The following NDUFC1 variants were observed in gnomAD, a reference collection of about 807,000 sequenced individuals.
The protein encoded by NDUFC1 is NADH dehydrogenase [ubiquinone] 1 subunit C1, mitochondrial.
In NDUFC1, 11 loss-of-function variants were observed where a neutral mutation model predicts 11.6. The ratio of observed to expected loss-of-function variants is 0.95; its 90% CI spans 0.60 to 1.58. The LOEUF (loss-of-function observed/expected upper bound fraction) is 1.58. Ranked by LOEUF, NDUFC1 falls within the 40% of genes most tolerant of loss-of-function variation. NDUFC1 has a pLI of 0.00. For synonymous variants in NDUFC1, 52 were observed against 42.2 expected, an observed-to-expected ratio of 1.23 and a Z score of -0.90; for missense variants, 112 against 93.0, an observed-to-expected ratio of 1.20 and a Z score of -0.84.
Position 139,295,921 on chromosome 4 carries a change from C to G in NDUFC1, c.-123G>C. 2 of 969,698 alleles carry G rather than the reference C, an allele frequency of 2.1e-6. No homozygotes were observed. The highest frequency in any genetic ancestry group is 3.1e-5 in the South Asian group (2 of 65,070). The allele number at this position is 969,698 out of a possible 1,614,324, so 60.1% of individuals were successfully genotyped here. On this transcript the variant is annotated 5_prime_UTR_variant, in exon 3 of 6. Transcript: ENST00000394223. ...GTGGGGGCGTCAACGTGAATTCCAGCACGGCAAGGTTCTCTAGCACCCCGG... is the reference window on the plus strand; with the variant it reads ...GTGGGGGCGTCAACGTGAATTCCAGGACGGCAAGGTTCTCTAGCACCCCGG...
At chr4:139,293,537 A>G (rs1385355066) in intron 4 of NDUFC1, among the ~76,000 whole-genome samples, 3 of 152,236 alleles carry the variant, frequency 2.0e-5, no homozygotes, top group African/African-American at 7.2e-5. Flanking sequence ...TATAAGCAAC[A>G]TTATTCAAAA....
chr4:139,295,351 C>T (rs1034601060), intron 3 of NDUFC1, among the ~76,000 whole-genome samples: 1 of 152,126 alleles, frequency 6.6e-6, no homozygotes, highest in African/African-American at 2.4e-5. Context: ...CTGTCCTGTC[C>T]GAGGCTTTCA....
rs1579059337 is a variant in NDUFC1 at position 139,292,613 on chromosome 4, C to G, written c.172-4G>C. On this transcript the variant is annotated splice_polypyrimidine_tract_variant and splice_region_variant and intron_variant, in intron 4 of 5. Coordinates refer to ENST00000394223, the MANE Select transcript of NDUFC1 (RefSeq NM_001184989.2). ...CTTCATTGTGTTGTTTGATGAGCTA[C>G]AAAGAGTTAAACAGTTAAAATTAGA... 6.5e-7 allele frequency: 1 copy of G among 1,530,698 alleles called. No homozygotes were observed. Among genetic ancestry groups the G allele is most frequent in the East Asian group, 2.3e-5 (1 of 42,768 alleles). The allele number at this position is 1,530,698 out of a possible 1,614,324, so 94.8% of individuals were successfully genotyped here. A position where few individuals can be genotyped will look rare whatever the true frequency, so the allele number is the denominator to read the frequency against.
chr4:139,302,144 G>T (rs564382166), intron 1 of NDUFC1: 44 of 318,596 alleles, frequency 1.4e-4, no homozygotes, highest in Non-Finnish European at 2.2e-4. Flanking sequence ...CCGGCCTTTG[G>T]CGGGCAAGTG....
chr4:139,297,094 G>A (rs1457676907), intron 2 of NDUFC1, among the ~76,000 whole-genome samples: 1 of 152,178 alleles, frequency 6.6e-6, no homozygotes, highest in Admixed American at 6.5e-5. Flanking sequence ...CAATGAATGT[G>A]CTGAGCCAGT....
chr4:139,302,376 A>G (rs1745821781), intron 1 of NDUFC1, 40 bp downstream of exon 1: 1 of 152,938 alleles, frequency 6.5e-6, no homozygotes, highest in African/African-American at 2.4e-5. Flanking sequence ...GAGGGAAAGA[A>G]GGAGTTCAGA....
chr4:139,291,471 A>C (rs1413364533), intron 5 of NDUFC1, among the ~76,000 whole-genome samples: 1 of 151,992 alleles, frequency 6.6e-6, no homozygotes, highest in East Asian at 1.9e-4. Flanking sequence ...GCTACTCGAG[A>C]GGCTGAGGCA....
intron 5 of NDUFC1, among the ~76,000 whole-genome samples, chr4:139,291,617 T>C (rs1745222121): frequency 6.6e-6 from 1 of 152,092 alleles, no homozygotes. Flanking sequence ...TCATCACTTC[T>C]ACAAATATTA....
intron 3 of NDUFC1, 98 bp from the exon 4 acceptor site, chr4:139,295,244 C>A: frequency 1.1e-6 from 1 of 891,966 alleles, no homozygotes; most frequent in Non-Finnish European, 1.8e-6. Context: ...ATTCTCCCTT[C>A]AACTCCCCCA....
intron 2 of NDUFC1, 59 bp downstream of exon 2, chr4:139,297,326 T>C (rs1745513554): frequency 6.6e-6 from 1 of 152,250 alleles, no homozygotes; most frequent in African/African-American, 2.4e-5. Context: ...TTGGCCCTTG[T>C]ATCCTTTTAC....
chr4:139,290,619 T>C (rs1745171769), intron 5 of NDUFC1, among the ~76,000 whole-genome samples: 1 of 152,000 alleles, frequency 6.6e-6, no homozygotes, highest in South Asian at 2.1e-4. Context: ...TATAAGTTAC[T>C]TAATCAACCC....
chr4:139,299,831 C>A (rs1355931052), intron 1 of NDUFC1, among the ~76,000 whole-genome samples: 1 of 152,154 alleles, frequency 6.6e-6, no homozygotes, highest in East Asian at 1.9e-4. Flanking sequence ...GTGGAAGCTA[C>A]TGATTGTTTC....
chr4:139,293,431 T>C (rs1745316747), intron 4 of NDUFC1, among the ~76,000 whole-genome samples: 1 of 152,216 alleles, frequency 6.6e-6, no homozygotes, highest in African/African-American at 2.4e-5. Flanking sequence ...ATGACATTCA[T>C]GGCAATCAAA....
At chr4:139,292,106 G>A (rs1745248551) in intron 5 of NDUFC1, among the ~76,000 whole-genome samples, 4 of 152,044 alleles carry the variant, frequency 2.6e-5, no homozygotes, top group Admixed American at 2.0e-4. Flanking sequence ...CAAAGTGCTG[G>A]GATTACAGGC....
chr4:139,300,546 CA>C (rs1745666511), intron 1 of NDUFC1: 2 of 152,130 alleles, frequency 1.3e-5, no homozygotes, highest in Non-Finnish European at 2.9e-5. Context: ...ATTTTTAGAT[CA>C]ATGGAATGCC....
intron 4 of NDUFC1, among the ~76,000 whole-genome samples, chr4:139,293,084 T>C (rs1324901962): frequency 6.6e-6 from 1 of 152,048 alleles, no homozygotes; most frequent in Non-Finnish European, 1.5e-5. Flanking sequence ...CCTCCCAAAG[T>C]GTTGGGATTA....
chr4:139,301,682 C>T (rs1745750707), intron 1 of NDUFC1: 1 of 1,418,028 alleles, frequency 7.1e-7, no homozygotes. Flanking sequence ...TCGAGATATT[C>T]AAGGCTGAAG....
intron 5 of NDUFC1, among the ~76,000 whole-genome samples, chr4:139,292,162 C>T (rs1345914889): frequency 1.3e-5 from 2 of 152,064 alleles, no homozygotes; most frequent in African/African-American, 4.8e-5. Context: ...CTTAAACATA[C>T]CTTTCTTTGA....
intron 1 of NDUFC1, among the ~76,000 whole-genome samples, chr4:139,299,139 T>G (rs1745599786): frequency 6.6e-6 from 1 of 152,004 alleles, no homozygotes; most frequent in Non-Finnish European, 1.5e-5. Flanking sequence ...CCGGCTAATT[T>G]TTGTATTTTT....
Sources: allele counts gnomAD v4.1 joint callset (sites outside exome capture counted in the v4.1 genomes callset), GRCh38; gene constraint gnomAD v4.1.1; transcripts MANE v1.5; gene names NCBI Gene and HGNC (gene_info 2026-07-23, HGNC 2026-07-21).